The following ZNF730 variants were observed in gnomAD, a reference collection of about 807,000 sequenced individuals.
ZNF730 encodes the protein putative zinc finger protein 730.
Under a neutral mutation model 12.6 loss-of-function variants are expected in ZNF730, and 12 were observed. That is an observed-to-expected ratio of 0.95 (90% CI 0.61 to 1.54). The LOEUF is 1.54. Among genes scored for constraint, ZNF730 ranks in the 40% most tolerant of loss-of-function variants. The pLI is 0.00. For synonymous variants in ZNF730, 194 were observed against 195.8 expected (o/e 0.99, Z 0.08); for missense variants, 643 against 583.5 (o/e 1.10, Z -1.05).
At chr19:23,128,146 T>A (rs548929054) in intron 1 of ZNF730, 13 of 906,258 alleles carry the variant, frequency 1.4e-5, no homozygotes, top group Non-Finnish European at 2.4e-5. Context: ...CAATAAAGTT[T>A]TTGGTTCCCT....
chr19:23,122,577 A>G (rs1284019153), intron 1 of ZNF730, among the ~76,000 whole-genome samples: 5 of 152,244 alleles, frequency 3.3e-5, no homozygotes, highest in African/African-American at 1.2e-4. Flanking sequence ...CAAGGTAATT[A>G]TCTCATATTT....
At chr19:23,112,703 A>G (rs1253973321), upstream of ZNF730, among the ~76,000 whole-genome samples, 1 of 151,606 alleles carries the variant, frequency 6.6e-6, no homozygotes, top group Non-Finnish European at 1.5e-5. Flanking sequence ...AGGCTGGGCT[A>G]CAGAGCGAGA....
Position 23,136,005 on chromosome 19 carries a change from G to A in ZNF730, c.188G>A (p.Trp63Ter), listed in dbSNP as rs1289683589. ...ITCLEQEKEPWNLKTHDMVAK... is the reference protein window; with the variant it reads ...ITCLEQEKEP The stretch of plus-strand genomic sequence containing the variant: ...TGTCTGGAGCAAGAAAAAGAGCCTT[G>A]GAATTTGAAGACACATGATATGGTA... The change falls in exon 3 of 4, where the codon TGG becomes TAG. Residue 63 changes from tryptophan to a stop codon, truncating the protein, a stop_gained. Transcript: ENST00000597761. LOFTEE classifies it low-confidence loss of function (END_TRUNC). 6.2e-7 allele frequency: 1 copy of A among 1,608,124 alleles called. No homozygotes were observed.
At chr19:23,091,271 G>T (rs1693296) in intron 1 of ZNF730, among the ~76,000 whole-genome samples, 63,289 of 152,040 alleles carry the variant, frequency 0.42, 14,654 homozygotes, top group African/African-American at 0.63. Context: ...ATGGCAACAC[G>T]TGGATATCCG....
At chr19:23,129,450 A>T (rs1970715127) in intron 1 of ZNF730, among the ~76,000 whole-genome samples, 1 of 151,852 alleles carries the variant, frequency 6.6e-6, no homozygotes. Context: ...GTCAAAGGAG[A>T]TCATTTTGGA....
intron 1 of ZNF730, among the ~76,000 whole-genome samples, chr19:23,125,141 C>T (rs555541677): frequency 9.9e-5 from 15 of 152,260 alleles, no homozygotes; most frequent in African/African-American, 1.7e-4. Flanking sequence ...GCCATGATTG[C>T]GAGGCCTCCC....
chr19:23,143,511 A>T (rs1378748114), intron 3 of ZNF730: 2 of 152,194 alleles, frequency 1.3e-5, no homozygotes, highest in Non-Finnish European at 2.9e-5. Context: ...TTTTTCTCAG[A>T]ACATAATTTG....
At chr19:23,105,231 C>T (rs1970379920) in intron 1 of ZNF730, among the ~76,000 whole-genome samples, 1 of 151,746 alleles carries the variant, frequency 6.6e-6, no homozygotes, top group South Asian at 2.1e-4. Flanking sequence ...AATTCTCTGC[C>T]TCAGCCTCTT....
chr19:23,143,027 GA>G (rs1288577486), intron 3 of ZNF730, among the ~76,000 whole-genome samples: 1 of 152,082 alleles, frequency 6.6e-6, no homozygotes, highest in African/African-American at 2.4e-5. Context: ...GATGGATCAT[GA>G]GGTCAGGAGA....
At position 23,133,970 on chromosome 19, in the gene ZNF730, A is replaced by AC. The variant is rs1970781600; in HGVS notation, c.4-106dup. ...TGAAGGTTATTAGATAATTTCAGTC[A>AC]CCCCTATAAGTAAGACCCAATTATA... On this transcript the variant is annotated intron_variant, in intron 1 of 3. Transcript: ENST00000597761. The AC allele has an allele frequency of 7.8e-6, 10 of 1,289,408 alleles. No individual in the cohort carries two copies. The South Asian group carries it at 1.4e-4, about 18-fold the overall frequency. The allele number at this position is 1,289,408 out of a possible 1,614,324, so 79.9% of individuals were successfully genotyped here.
intron 3 of ZNF730, 52 bp from the exon 4 acceptor site, chr19:23,145,217 TAA>T: frequency 8.0e-7 from 1 of 1,251,506 alleles, no homozygotes. Flanking sequence ...GTTAGGTTTA[TAA>T]ACTATACTCA....
intron 1 of ZNF730, among the ~76,000 whole-genome samples, chr19:23,093,856 G>A (rs1367150575): frequency 1.3e-5 from 2 of 152,226 alleles, no homozygotes; most frequent in Non-Finnish European, 2.9e-5. Flanking sequence ...ACAGCTTCAG[G>A]CCACGAGCGC....
chr19:23,125,467 C>T (rs957148809), intron 1 of ZNF730, among the ~76,000 whole-genome samples: 1 of 152,122 alleles, frequency 6.6e-6, no homozygotes, highest in African/African-American at 2.4e-5. Context: ...CTCAGATGGA[C>T]ATGAGGAACT....
chr19:23,127,582 C>A, intron 1 of ZNF730: 1 of 934,714 alleles, frequency 1.1e-6, no homozygotes, highest in Non-Finnish European at 1.8e-6. Flanking sequence ...AGATAAATTG[C>A]TCATGTTGCT....
upstream of ZNF730, among the ~76,000 whole-genome samples, chr19:23,116,544 T>G (rs1378155874): frequency 6.6e-6 from 1 of 150,472 alleles, no homozygotes. Flanking sequence ...GTAGCTGGGA[T>G]TACAGGCGCG....
chr19:23,083,198 G>A lies in ZNF730; in HGVS notation c.-94+7811G>A, dbSNP rs372869466. Reference sequence around the variant, plus strand: ...TCCAGCACTTTGGGAGGCTGAGGCCGGCTGATCACGAGGTCAGGAGTTCGA... The same window carrying A: ...TCCAGCACTTTGGGAGGCTGAGGCCAGCTGATCACGAGGTCAGGAGTTCGA... On this transcript the variant is annotated intron_variant, in intron 1 of 2. Transcript: ENST00000593635. Among the ~76,000 whole-genome samples, 299 of 152,088 alleles carry A rather than the reference G, an allele frequency of 2.0e-3. 2 individuals carry two copies. The highest frequency in any genetic ancestry group is 6.6e-3 in the African/African-American group (273 of 41,474).
chr19:23,095,444 A>C (rs1970232925), intron 1 of ZNF730: 1 of 398,506 alleles, frequency 2.5e-6, no homozygotes, highest in Admixed American at 4.4e-5. Context: ...CACACAGGTA[A>C]TGCAACTCTA....
rs1340329843 is a variant in ZNF730, at chr19:23,146,842, C to A, written c.*286C>A. The A allele has an allele frequency of 3.8e-6, 3 of 789,822 alleles. No individual in the cohort carries two copies. Among genetic ancestry groups the A allele is most frequent in the African/African-American group, 3.4e-5 (2 of 58,542 alleles). The allele number at this position is 789,822 out of a possible 1,614,324, so 48.9% of individuals were successfully genotyped here. A position where few individuals can be genotyped will look rare whatever the true frequency, so the allele number is the denominator to read the frequency against. ...GAATGTGACAAAGCCTTTAACAAATCCTTAATTCTTAACAGACATGATTCA... is the reference window on the plus strand; with the variant it reads ...GAATGTGACAAAGCCTTTAACAAATACTTAATTCTTAACAGACATGATTCA... On this transcript the variant is annotated 3_prime_UTR_variant, in exon 4 of 4. Transcript: ENST00000597761.
Position 23,106,649 on chromosome 19 carries a change from G to A in ZNF730, c.-93-27431G>A, listed in dbSNP as rs1036898351. On this transcript the variant is annotated intron_variant, in intron 1 of 2. Coordinates refer to the ZNF730 transcript ENST00000593635. Reference sequence around the variant, plus strand: ...TCTACAAAAAACACAAAATTAGCTGGGTATGGTGGCACATGCCTGTAATCC... The same window carrying A: ...TCTACAAAAAACACAAAATTAGCTGAGTATGGTGGCACATGCCTGTAATCC... 6.4e-4 allele frequency among the ~76,000 whole-genome samples: 97 copies of A among 152,158 alleles called. 1 individual carries two copies. The highest frequency in any genetic ancestry group is 2.3e-3 in the African/African-American group (96 of 41,508).
Sources: allele counts gnomAD v4.1 joint callset (sites outside exome capture counted in the v4.1 genomes callset), GRCh38; gene constraint gnomAD v4.1.1; transcripts MANE v1.5; gene names NCBI Gene and HGNC (gene_info 2026-07-23, HGNC 2026-07-21).